SUDS3: variants seen among roughly 807,000 people sequenced by gnomAD.
SUDS3 encodes sin3 histone deacetylase corepressor complex component SDS3.
In SUDS3, 23 loss-of-function variants were observed where a neutral mutation model predicts 53.5. That is an observed-to-expected ratio of 0.43 (90% CI 0.31 to 0.61). SUDS3 has a LOEUF of 0.61. SUDS3 is among the 20% of genes least tolerant of loss of function. The pLI, the probability that SUDS3 is intolerant of heterozygous loss-of-function variation, is 0.10. For synonymous variants in SUDS3, 150 were observed against 148.5 expected, an observed-to-expected ratio of 1.01 and a Z score of -0.08; for missense variants, 291 against 405.9, an observed-to-expected ratio of 0.72 and a Z score of 2.43.
chr12:118,409,070 T>A (rs1322948560), intron 10 of SUDS3, among the ~76,000 whole-genome samples: 2 of 152,144 alleles, frequency 1.3e-5, no homozygotes, highest in Admixed American at 1.3e-4. Context: ...CCTGCCAGTT[T>A]ACCAACTAAT....
chr12:118,415,703 ATCTTTCTTT>A lies in SUDS3; in HGVS notation c.*1271_*1279del, dbSNP rs1275315172. On this transcript the variant is annotated 3_prime_UTR_variant, in exon 12 of 12. Coordinates refer to ENST00000543473, the MANE Select transcript of SUDS3 (RefSeq NM_022491.3). ...CAGTAGAACTTACACATCCTAGGAA[ATCTTTCTTT>A]GTAAGTAATTCTTTTGGTCTCAAGT... 6.6e-6 allele frequency: 1 copy of A among 152,076 alleles called. No individual in the cohort carries two copies. The highest frequency in any genetic ancestry group is 1.5e-5 in the Non-Finnish European group (1 of 68,014). 9.4% of individuals were successfully genotyped at this position (152,076 alleles called of 1,614,324 possible). A position where few individuals can be genotyped will look rare whatever the true frequency, so the allele number is the denominator to read the frequency against.
At chr12:118,406,195 G>A (rs755799416) in intron 10 of SUDS3, among the ~76,000 whole-genome samples, 11 of 152,148 alleles carry the variant, frequency 7.2e-5, no homozygotes, top group Non-Finnish European at 1.5e-4. Flanking sequence ...TGGTACGGGT[G>A]GACTTCTGTT....
chr12:118,414,539 A>G lies in SUDS3; in HGVS notation c.*106A>G. 1.1e-6 allele frequency: 1 copy of G among 946,948 alleles called. No individual in the cohort carries two copies. Among genetic ancestry groups the G allele is most frequent in the Non-Finnish European group, 1.5e-6 (1 of 655,536 alleles). The allele number at this position is 946,948 out of a possible 1,614,324, so 58.7% of individuals were successfully genotyped here. ...AAATGTTAACTTACTGGGAATAGCT[A>G]CTCAGCCTTGGAAATGGAGAGCACT... On this transcript the variant is annotated 3_prime_UTR_variant, in exon 12 of 12. Coordinates refer to ENST00000543473, the MANE Select transcript of SUDS3 (RefSeq NM_022491.3).
At chr12:118,409,934 C>T (rs915914031) in intron 10 of SUDS3, among the ~76,000 whole-genome samples, 1 of 152,254 alleles carries the variant, frequency 6.6e-6, no homozygotes, top group African/African-American at 2.4e-5. Context: ...AGTGGCCCTA[C>T]ACTACAGGTT....
intron 2 of SUDS3, among the ~76,000 whole-genome samples, chr12:118,382,350 TTTTTTTTGAGACAGTAGC>T (rs2141361312): frequency 1.3e-5 from 1 of 79,190 alleles, no homozygotes; most frequent in Non-Finnish European, 2.2e-5. Flanking sequence ...GCCAGGCCAC[TTTTTTTTGAGACAGTAGC>T]CACTTTTTTT....
chr12:118,387,844 A>G lies in SUDS3; in HGVS notation c.340+1659A>G, dbSNP rs542073590. Among the ~76,000 whole-genome samples, 6 of 152,212 alleles carry G rather than the reference A, an allele frequency of 3.9e-5. No homozygotes were observed. In the South Asian group the frequency reaches 6.2e-4, roughly 16 times the overall value. ...GTGCTGGGGTTACAGGTGTGAGCCA[A>G]CGTGCCCGGCCCTCATGTGTTCTTT... is the stretch of plus-strand genomic sequence containing the variant. On this transcript the variant is annotated intron_variant, in intron 4 of 11. Coordinates refer to ENST00000543473, the MANE Select transcript of SUDS3 (RefSeq NM_022491.3).
At chr12:118,406,539 G>T (rs912070147) in intron 10 of SUDS3, among the ~76,000 whole-genome samples, 1 of 152,138 alleles carries the variant, frequency 6.6e-6, no homozygotes, top group Non-Finnish European at 1.5e-5. Context: ...CGGTTTAATA[G>T]TAGAGGTTCA....
intron 7 of SUDS3, among the ~76,000 whole-genome samples, chr12:118,401,027 C>T (rs955736369): frequency 1.3e-5 from 2 of 152,166 alleles, no homozygotes; most frequent in African/African-American, 4.8e-5. Context: ...TTAATGCTAA[C>T]ATCAAGATTC....
intron 4 of SUDS3, 105 bp downstream of exon 4, chr12:118,386,290 A>AT (rs1039313358): frequency 2.2e-6 from 2 of 893,214 alleles, no homozygotes; most frequent in African/African-American, 3.4e-5. Flanking sequence ...CATATCCCAG[A>AT]TACTCTGTCA....
rs754233710 is a variant in SUDS3 at position 118,389,958 on chromosome 12, G to T, written c.360+12G>T. 3.1e-6 allele frequency: 5 copies of T among 1,613,966 alleles called. No homozygotes were observed. In the South Asian group the frequency reaches 5.5e-5, roughly 18 times the overall value. ...TCCTCCAGCTGGAAGTAAGTACCAC[G>T]GATCTTCTGGGTTTGCAGGCCCTGT... On this transcript the variant is annotated intron_variant, in intron 5 of 11. Coordinates refer to ENST00000543473, the MANE Select transcript of SUDS3 (RefSeq NM_022491.3).
At chr12:118,403,391 G>A (rs752110261) in intron 9 of SUDS3, 21 bp from the exon 10 acceptor site, 38 of 1,591,514 alleles carry the variant, frequency 2.4e-5, no homozygotes, top group African/African-American at 5.4e-5. Flanking sequence ...TCTTAGTCAC[G>A]TAAGTATTGG....
intron 5 of SUDS3, chr12:118,390,884 AG>A (rs1474819426): frequency 1.4e-5 from 8 of 556,276 alleles, no homozygotes; most frequent in Non-Finnish European, 1.7e-5. Flanking sequence ...TATAAAATAT[AG>A]GATGTGGAAG....
chr12:118,412,115 G>A (rs985498108), intron 11 of SUDS3, among the ~76,000 whole-genome samples: 4 of 152,198 alleles, frequency 2.6e-5, no homozygotes, highest in African/African-American at 7.2e-5. Context: ...CTTTAGGATG[G>A]ATGGGGTCTG....
chr12:118,381,294 T>G (rs948501371), intron 2 of SUDS3, among the ~76,000 whole-genome samples: 1 of 151,976 alleles, frequency 6.6e-6, no homozygotes, highest in African/African-American at 2.4e-5. Context: ...AACCTCCACC[T>G]CCCAGGTTCA....
intron 10 of SUDS3, among the ~76,000 whole-genome samples, chr12:118,408,971 A>G (rs942846676): frequency 2.0e-5 from 3 of 152,104 alleles, no homozygotes; most frequent in African/African-American, 7.2e-5. Context: ...AACAAGGGGA[A>G]GTGTTAGTGT....
intron 1 of SUDS3, among the ~76,000 whole-genome samples, chr12:118,377,478 G>C (rs1011630719): frequency 1.6e-4 from 25 of 152,060 alleles, no homozygotes; most frequent in Admixed American, 6.5e-4. Flanking sequence ...TAAAGTACTT[G>C]GCCTGGTACT....
rs1411753686 is a variant in SUDS3 at position 118,417,703 on chromosome 12, A to G, written c.*3270A>G. ...TTTTTTTTTTTTTTTAAAGAAAACAATAAACTTTCAAAGAGAAAACCAGCA... is the reference window on the plus strand; with the variant it reads ...TTTTTTTTTTTTTTTAAAGAAAACAGTAAACTTTCAAAGAGAAAACCAGCA... On this transcript the variant is annotated 3_prime_UTR_variant, in exon 12 of 12. Coordinates refer to ENST00000543473, the MANE Select transcript of SUDS3 (RefSeq NM_022491.3). 1 of 151,956 alleles carries G rather than the reference A, an allele frequency of 6.6e-6. No individual in the cohort carries two copies. The highest frequency in any genetic ancestry group is 1.9e-4 in the East Asian group (1 of 5,188). 9.4% of individuals were successfully genotyped at this position (151,956 alleles called of 1,614,324 possible).
At chr12:118,399,478 G>A (rs777519495) in intron 6 of SUDS3, among the ~76,000 whole-genome samples, 2 of 152,204 alleles carry the variant, frequency 1.3e-5, no homozygotes, top group East Asian at 3.9e-4. Context: ...CTCCAGCCTG[G>A]GTGAGAGAGT....
Position 118,391,221 on chromosome 12 carries a change from T to C in SUDS3, c.456T>C (p.Ala152=), listed in dbSNP as rs2046164763. ...TTGAGCTGAAAGAGAACCTGATTGC[T>C]GAGCTAGAAGAAAAGAAGAAAATGA... ...KKVELKENLI[A]ELEEKKKMIE... is the part of the protein sequence containing the mutation. Residue 152 remains alanine (A), a synonymous_variant, in exon 6 of 12, where the codon GCT becomes GCC. Coordinates refer to ENST00000543473, the MANE Select transcript of SUDS3 (RefSeq NM_022491.3). 7 of 1,613,596 alleles carry C rather than the reference T, an allele frequency of 4.3e-6. No homozygotes were observed. Among genetic ancestry groups the C allele is most frequent in the Non-Finnish European group, 5.9e-6 (7 of 1,179,812 alleles).
Sources: gnomAD v4.1 joint callset for allele counts (sites outside exome capture counted in the v4.1 genomes callset) on GRCh38, gnomAD v4.1.1 for gene constraint, MANE v1.5 for transcripts, NCBI Gene and HGNC (gene_info 2026-07-23, HGNC 2026-07-21) for gene names.